The following CWC27 variants were observed in gnomAD, a reference collection of about 807,000 sequenced individuals.
CWC27 encodes the protein spliceosome-associated protein CWC27 homolog.
A neutral mutation model predicts 63.6 loss-of-function variants in CWC27; 47 were observed. The ratio of observed to expected loss-of-function variants is 0.74; its 90% CI spans 0.58 to 0.94. The LOEUF (loss-of-function observed/expected upper bound fraction) is 0.94. Ranked by LOEUF, CWC27 falls within the 40% of genes least tolerant of loss-of-function variation. The pLI is 0.00. For missense variants in CWC27, 495 were observed against 554.3 expected (o/e 0.89, Z 1.07); for synonymous variants, 175 against 179.8 (o/e 0.97, Z 0.22).
intron 11 of CWC27, among the ~76,000 whole-genome samples, chr5:64,893,636 A>C (rs998646557): frequency 2.0e-5 from 3 of 152,226 alleles, no homozygotes; most frequent in Non-Finnish European, 2.9e-5. Context: ...CAGAAAGAAC[A>C]AAAGGAATAC....
intron 11 of CWC27, among the ~76,000 whole-genome samples, chr5:64,948,161 C>T (rs1748627598): frequency 6.6e-6 from 1 of 151,928 alleles, no homozygotes; most frequent in Admixed American, 6.6e-5. Flanking sequence ...GAGTTTAGAA[C>T]AGGGTTTTTC....
intron 10 of CWC27, among the ~76,000 whole-genome samples, chr5:64,839,792 A>G (rs1171894274): frequency 6.6e-6 from 1 of 152,164 alleles, no homozygotes; most frequent in Non-Finnish European, 1.5e-5. Flanking sequence ...GCACTTATCT[A>G]AGGGGGAGAT....
At chr5:64,862,162 G>A (rs149135937) in intron 10 of CWC27, among the ~76,000 whole-genome samples, 201 of 152,232 alleles carry the variant, frequency 1.3e-3, no homozygotes, top group African/African-American at 4.4e-3. Flanking sequence ...CGGAATGTAC[G>A]GGAAGGCCAA....
intron 11 of CWC27, among the ~76,000 whole-genome samples, chr5:64,920,883 T>G (rs1398807551): frequency 6.6e-6 from 1 of 152,192 alleles, no homozygotes; most frequent in East Asian, 1.9e-4. Context: ...CTATCAATTT[T>G]GTTTAATCTT....
intron 11 of CWC27, among the ~76,000 whole-genome samples, chr5:64,929,355 CA>C (rs898826313): frequency 6.6e-6 from 1 of 151,182 alleles, no homozygotes; most frequent in Non-Finnish European, 1.5e-5. Context: ...ACCTGTTCTA[CA>C]AAAAAAGAAA....
At chr5:64,986,003 A>G (rs766626682) in intron 13 of CWC27, among the ~76,000 whole-genome samples, 9 of 152,136 alleles carry the variant, frequency 5.9e-5, no homozygotes, top group Non-Finnish European at 1.2e-4. Context: ...GGTTTCCCCC[A>G]TGCTGTTCTC....
intron 10 of CWC27, among the ~76,000 whole-genome samples, chr5:64,855,851 T>G (rs572082177): frequency 6.6e-6 from 1 of 152,224 alleles, no homozygotes; most frequent in South Asian, 2.1e-4. Flanking sequence ...TTTGGACATT[T>G]CCCCTCATAC....
intron 10 of CWC27, among the ~76,000 whole-genome samples, chr5:64,833,767 G>C (rs1745589128): frequency 6.6e-6 from 1 of 151,658 alleles, no homozygotes; most frequent in Non-Finnish European, 1.5e-5. Flanking sequence ...GGAGAATGTT[G>C]AGTGTCTGAA....
chr5:64,858,137 CAAAAAAAAA>C (rs529762534), intron 10 of CWC27, among the ~76,000 whole-genome samples: 43 of 23,092 alleles, frequency 1.9e-3, no homozygotes, highest in African/African-American at 7.4e-3. Context: ...GACTCCGTCT[CAAAAAAAAA>C]AAAAAAAAAA....
At chr5:64,849,044 A>G (rs922058209) in intron 10 of CWC27, among the ~76,000 whole-genome samples, 7 of 152,212 alleles carry the variant, frequency 4.6e-5, no homozygotes, top group Non-Finnish European at 7.4e-5. Context: ...AAGAAGTAAC[A>G]TTGTGAATGT....
At chr5:64,808,216 G>C (rs1744757896) in intron 10 of CWC27, 1 of 1,007,064 alleles carries the variant, frequency 9.9e-7, no homozygotes, top group Admixed American at 5.3e-5. Flanking sequence ...GGTGATTTTT[G>C]TGTGCATTAG....
At chr5:64,877,772 T>C (rs919975282) in intron 10 of CWC27, among the ~76,000 whole-genome samples, 3 of 151,962 alleles carry the variant, frequency 2.0e-5, no homozygotes, top group African/African-American at 7.2e-5. Context: ...ACTTATTAGG[T>C]GGTTAGCAGG....
intron 13 of CWC27, among the ~76,000 whole-genome samples, chr5:64,987,278 T>A (rs962250185): frequency 6.6e-6 from 1 of 152,166 alleles, no homozygotes; most frequent in Admixed American, 6.5e-5. Flanking sequence ...ACAATATACT[T>A]TTTAAACTTT....
chr5:64,936,010 G>A (rs1001997590), intron 11 of CWC27, among the ~76,000 whole-genome samples: 2 of 152,196 alleles, frequency 1.3e-5, no homozygotes, highest in Non-Finnish European at 2.9e-5. Flanking sequence ...CTGAGATGAT[G>A]TGGTTTTCTA....
chr5:64,782,427 G>A (rs1023955446), intron 3 of CWC27, among the ~76,000 whole-genome samples: 14 of 127,770 alleles, frequency 1.1e-4, no homozygotes, highest in African/African-American at 3.3e-4. Context: ...CAGCCTGGGC[G>A]ACAGAGCGAG....
intron 11 of CWC27, among the ~76,000 whole-genome samples, chr5:64,949,028 A>C (rs1474849712): frequency 1.3e-5 from 2 of 152,032 alleles, no homozygotes; most frequent in African/African-American, 4.8e-5. Context: ...AGATGTGTCT[A>C]AGGGCATACT....
intron 12 of CWC27, among the ~76,000 whole-genome samples, chr5:64,976,151 G>A (rs1749225316): frequency 6.6e-6 from 1 of 152,100 alleles, no homozygotes. Context: ...GTTTCTTATT[G>A]ATAGACATTT....
At position 64,789,047 on chromosome 5, in the gene CWC27, A is replaced by G. The variant is rs763157599; in HGVS notation, c.669+27A>G. 1.4e-5 allele frequency: 21 copies of G among 1,527,802 alleles called. No individual in the cohort carries two copies. The East Asian group carries it at 3.9e-4, about 28-fold the overall frequency. 94.6% of individuals were successfully genotyped at this position (1,527,802 alleles called of 1,614,324 possible). A position where few individuals can be genotyped will look rare whatever the true frequency, so the allele number is the denominator to read the frequency against. On this transcript the variant is annotated intron_variant, in intron 7 of 13. Coordinates refer to ENST00000381070, the MANE Select transcript of CWC27 (RefSeq NM_005869.4). ...TAATCTCTAATTTGCCCTTTGTTCTAACTTACAAAAGAGATTGGGGTCTAT... is the reference window on the plus strand; with the variant it reads ...TAATCTCTAATTTGCCCTTTGTTCTGACTTACAAAAGAGATTGGGGTCTAT...
intron 10 of CWC27, among the ~76,000 whole-genome samples, chr5:64,842,007 A>T (rs1745855555): frequency 6.6e-6 from 1 of 152,148 alleles, no homozygotes; most frequent in South Asian, 2.1e-4. Flanking sequence ...TTTGACTTAA[A>T]ATAGTAGTTG....
Sources: gnomAD v4.1 joint callset for allele counts (sites outside exome capture counted in the v4.1 genomes callset) on GRCh38, gnomAD v4.1.1 for gene constraint, MANE v1.5 for transcripts, NCBI Gene and HGNC (gene_info 2026-07-23, HGNC 2026-07-21) for gene names.